The following PDE3A variants were observed in gnomAD, a reference collection of about 807,000 sequenced individuals.
PDE3A encodes the protein phosphodiesterase 3A.
A neutral mutation model predicts 98.3 loss-of-function variants in PDE3A; 43 were observed. The ratio of observed to expected loss-of-function variants is 0.44; its 90% confidence interval spans 0.34 to 0.56. The LOEUF (loss-of-function observed/expected upper bound fraction) is 0.56, where lower values mean the gene tolerates loss of function less well. Ranked by LOEUF, PDE3A falls within the 20% of genes least tolerant of loss-of-function variation. PDE3A has a pLI of 0.01. For synonymous variants in PDE3A, 663 were observed against 567.9 expected, an observed-to-expected ratio of 1.17 and a Z score of -2.38; for missense variants, 1,427 against 1,440.7, an observed-to-expected ratio of 0.99 and a Z score of 0.15.
chr12:20,380,213 TTTAA>T (rs1400762428), intron 1 of PDE3A, among the ~76,000 whole-genome samples: 22 of 151,924 alleles, frequency 1.4e-4, no homozygotes, highest in Non-Finnish European at 4.4e-5. Flanking sequence ...CTCCTTAGCT[TTTAA>T]TTGTGATCAA....
intron 1 of PDE3A, among the ~76,000 whole-genome samples, chr12:20,442,874 C>T (rs899959501): frequency 1.6e-4 from 24 of 152,208 alleles, no homozygotes; most frequent in Non-Finnish European, 7.4e-5. Flanking sequence ...AAAACTATAT[C>T]GTTCATCCAC....
chr12:20,616,452 T>C lies in PDE3A; in HGVS notation c.1424+68T>C, dbSNP rs1053549941. ...TACTTGCCAAAAATGAGTTATAAAT[T>C]ACAGGAGAAGGAAGGCTAACCAATT... On this transcript the variant is annotated intron_variant, in intron 4 of 15. Transcript: ENST00000359062. 2.0e-6 allele frequency: 3 copies of C among 1,475,300 alleles called. No individual in the cohort carries two copies. The East Asian group carries it at 6.9e-5, about 34-fold the overall frequency. 91.4% of individuals were successfully genotyped at this position (1,475,300 alleles called of 1,614,324 possible). A position where few individuals can be genotyped will look rare whatever the true frequency, so the allele number is the denominator to read the frequency against.
At chr12:20,617,770 A>G (rs1473619606) in intron 4 of PDE3A, among the ~76,000 whole-genome samples, 2 of 152,036 alleles carry the variant, frequency 1.3e-5, no homozygotes, top group African/African-American at 4.8e-5. Context: ...TGCCTTCTCA[A>G]ATGCCTTTTA....
At chr12:20,536,638 T>A (rs1191542829) in intron 1 of PDE3A, among the ~76,000 whole-genome samples, 1 of 152,116 alleles carries the variant, frequency 6.6e-6, no homozygotes, top group Non-Finnish European at 1.5e-5. Context: ...ATCAAAATAT[T>A]TGCAGTCTTT....
At chr12:20,400,475 C>G (rs1422740260) in intron 1 of PDE3A, among the ~76,000 whole-genome samples, 1 of 142,544 alleles carries the variant, frequency 7.0e-6, no homozygotes, top group Non-Finnish European at 1.5e-5. Flanking sequence ...GGCGCTATCA[C>G]GGCTCACTGC....
At chr12:20,674,336 A>T (rs1470735578) in intron 15 of PDE3A, among the ~76,000 whole-genome samples, 1 of 152,162 alleles carries the variant, frequency 6.6e-6, no homozygotes, top group Non-Finnish European at 1.5e-5. Context: ...TACAATTTTG[A>T]ATAGCAGCAG....
chr12:20,386,547 G>T (rs1195797690), intron 1 of PDE3A, among the ~76,000 whole-genome samples: 1 of 151,182 alleles, frequency 6.6e-6, no homozygotes, highest in Non-Finnish European at 1.5e-5. Flanking sequence ...CACCATGTTG[G>T]CCAGACTGGT....
In PDE3A at chr12:20,617,996, T is replaced by C. The variant is rs962533117; in HGVS notation, c.1424+1612T>C. ...ATAGAAATAAGGAAAATACTTACAATAGAAATAAGGAATAGCATACAATTC... is the reference window on the plus strand; with the variant it reads ...ATAGAAATAAGGAAAATACTTACAACAGAAATAAGGAATAGCATACAATTC... On this transcript the variant is annotated intron_variant, in intron 4 of 15. Coordinates refer to ENST00000359062, the MANE Select transcript of PDE3A (RefSeq NM_000921.5). Among the ~76,000 whole-genome samples the C allele has an allele frequency of 2.6e-5, 4 of 152,246 alleles. No individual in the cohort carries two copies. The South Asian group carries it at 8.3e-4, about 32-fold the overall frequency.
chr12:20,630,243 C>A, intron 6 of PDE3A, 116 bp downstream of exon 6: 1 of 705,208 alleles, frequency 1.4e-6, no homozygotes, highest in Non-Finnish European at 2.5e-6. Flanking sequence ...ATTAGACAAC[C>A]AAGTATAGGA....
rs1565469163 is a variant in PDE3A at position 20,665,955 on chromosome 12, A to ATTTTTTTTTTTTTTTTTTTTTT, written c.3184+11753_3184+11754insTTTTTTTTTTTTTTTTTTTTTT. Among the ~76,000 whole-genome samples, 2 of 123,412 alleles carry ATTTTTTTTTTTTTTTTTTTTTT rather than the reference A, an allele frequency of 1.6e-5. 1 individual carries two copies. Among genetic ancestry groups the ATTTTTTTTTTTTTTTTTTTTTT allele is most frequent in the Admixed American group, 1.6e-4 (2 of 12,194 alleles). 81.0% of individuals were successfully genotyped at this position (123,412 alleles called of 152,430 possible). A position where few individuals can be genotyped will look rare whatever the true frequency, so the allele number is the denominator to read the frequency against. ...ATATCTGTCACCTCGAGTATTTGTC[A>ATTTTTTTTTTTTTTTTTTTTTT]TTTCTTTTTTTTTTTTTTTTTTTTT... On this transcript the variant is annotated intron_variant, in intron 15 of 15. Transcript: ENST00000359062.
chr12:20,473,895 T>G (rs1945483327), intron 1 of PDE3A, among the ~76,000 whole-genome samples: 1 of 152,152 alleles, frequency 6.6e-6, no homozygotes, highest in South Asian at 2.1e-4. Context: ...TGATGGGTTT[T>G]TGGATTGTTT....
intron 1 of PDE3A, chr12:20,551,875 A>G: frequency 1.2e-6 from 2 of 1,613,684 alleles, no homozygotes; most frequent in Non-Finnish European, 1.7e-6. Flanking sequence ...CATCCCGTCC[A>G]ACCACTACGG....
chr12:20,534,121 C>T (rs546635627), intron 1 of PDE3A, among the ~76,000 whole-genome samples: 1 of 152,234 alleles, frequency 6.6e-6, no homozygotes, highest in South Asian at 2.1e-4. Context: ...GCAGCCTTTC[C>T]TCGCACTGAG....
intron 1 of PDE3A, among the ~76,000 whole-genome samples, chr12:20,551,003 G>A (rs1245134664): frequency 6.7e-6 from 1 of 150,092 alleles, no homozygotes; most frequent in Non-Finnish European, 1.5e-5. Flanking sequence ...TTTTATATGT[G>A]TGTAAATATA....
chr12:20,400,378 GGTTTTTTTT>G (rs1944100519), intron 1 of PDE3A, among the ~76,000 whole-genome samples: 1 of 106,112 alleles, frequency 9.4e-6, no homozygotes, highest in African/African-American at 4.2e-5. Context: ...CGTTAACATT[GGTTTTTTTT>G]TTTTTTTTTT....
intron 1 of PDE3A, among the ~76,000 whole-genome samples, chr12:20,526,701 A>G (rs535984081): frequency 1.4e-3 from 216 of 149,210 alleles, no homozygotes; most frequent in African/African-American, 5.0e-3. Context: ...GTTATTTCCT[A>G]TAGTGCCTAT....
chr12:20,576,281 A>T (rs1942931632), intron 2 of PDE3A, among the ~76,000 whole-genome samples: 1 of 152,098 alleles, frequency 6.6e-6, no homozygotes, highest in South Asian at 2.1e-4. Flanking sequence ...TTTTCTAAAT[A>T]TGGTTTTGGA....
rs1047859626 is a variant in PDE3A at position 20,684,792 on chromosome 12, C to G, written c.*4521C>G. Among the ~76,000 whole-genome samples the G allele has an allele frequency of 3.9e-5, 6 of 152,150 alleles. No individual in the cohort carries two copies. The highest frequency in any genetic ancestry group is 1.4e-4 in the African/African-American group (6 of 41,450). On this transcript the variant is annotated 3_prime_UTR_variant, in exon 16 of 16. Transcript: ENST00000359062. The stretch of plus-strand genomic sequence containing the variant: ...TATGTTCACACATCAATTTGTTCAT[C>G]TGGAAGATATTCAAATTCTTATTGG...
intron 1 of PDE3A, among the ~76,000 whole-genome samples, chr12:20,542,056 T>C (rs1449692150): frequency 1.3e-5 from 2 of 152,094 alleles, no homozygotes; most frequent in Non-Finnish European, 2.9e-5. Context: ...AGTCCGTCTA[T>C]GCTTTTCTCA....
Sources: allele counts gnomAD v4.1 joint callset (sites outside exome capture counted in the v4.1 genomes callset), GRCh38; gene constraint gnomAD v4.1.1; transcripts MANE v1.5; gene names NCBI Gene and HGNC (gene_info 2026-07-23, HGNC 2026-07-21).